The following ISM1 variants were observed in gnomAD, a reference collection of about 807,000 sequenced individuals.
ISM1 encodes the protein isthmin 1.
A neutral mutation model predicts 46.3 loss-of-function variants in ISM1; 25 were observed. That is an observed-to-expected ratio of 0.54 (90% CI 0.39 to 0.75). The LOEUF is 0.75. Ranked by LOEUF, ISM1 falls within the 30% of genes least tolerant of loss-of-function variation. The pLI, the probability that ISM1 is intolerant of heterozygous loss-of-function variation, is 0.00. For missense variants in ISM1, 536 were observed against 625.4 expected, an observed-to-expected ratio of 0.86 and a Z score of 1.52; for synonymous variants, 255 against 256.7, an observed-to-expected ratio of 0.99 and a Z score of 0.06.
chr20:13,301,859 T>A (rs74953939), downstream of ISM1, among the ~76,000 whole-genome samples: 706 of 152,304 alleles, frequency 4.6e-3, 4 homozygotes, highest in African/African-American at 0.016. Flanking sequence ...AACCCTCTGA[T>A]GTGTTTGTTA....
intron 1 of ISM1, among the ~76,000 whole-genome samples, chr20:13,253,640 C>T (rs1385384971): frequency 6.6e-6 from 1 of 152,102 alleles, no homozygotes; most frequent in Non-Finnish European, 1.5e-5. Context: ...AGCTCTGATT[C>T]CACAGGGGAT....
At chr20:13,290,891 C>G (rs936017509) in intron 4 of ISM1, among the ~76,000 whole-genome samples, 1 of 152,182 alleles carries the variant, frequency 6.6e-6, no homozygotes, top group Non-Finnish European at 1.5e-5. Flanking sequence ...TAGAGTCACA[C>G]AGAAAGCAAG....
intron 4 of ISM1, among the ~76,000 whole-genome samples, chr20:13,290,102 G>A (rs1036832625): frequency 6.6e-5 from 10 of 152,166 alleles, no homozygotes; most frequent in South Asian, 2.1e-4. Flanking sequence ...AAGAAGTGGC[G>A]GTTCTGGCTC....
the ISM1 span, among the ~76,000 whole-genome samples, chr20:13,323,432 G>C: frequency 6.6e-6 from 1 of 152,182 alleles, no homozygotes; most frequent in Non-Finnish European, 1.5e-5. Flanking sequence ...CCATAACCCA[G>C]TGTGTTACCA....
At chr20:13,262,518 G>A in intron 1 of ISM1, among the ~76,000 whole-genome samples, 1 of 94,786 alleles carries the variant, frequency 1.1e-5, no homozygotes, top group East Asian at 6.2e-4. Context: ...CTTCTTACAT[G>A]TTTTCTTACA....
At chr20:13,231,079 A>G (rs6041966) in intron 1 of ISM1, among the ~76,000 whole-genome samples, 22,908 of 152,052 alleles carry the variant, frequency 0.15, 2,010 homozygotes, top group East Asian at 0.41. Context: ...CAAATAAATT[A>G]CTTGTTCTTT....
At chr20:13,268,306 CTCTTT>C (rs1364277209) in intron 1 of ISM1, among the ~76,000 whole-genome samples, 2 of 150,334 alleles carry the variant, frequency 1.3e-5, no homozygotes, top group African/African-American at 2.5e-5. Flanking sequence ...TCCTTCTCTT[CTCTTT>C]TCTCTTCTCT....
intron 2 of ISM1, among the ~76,000 whole-genome samples, chr20:13,277,315 CTGATT>C (rs2040190291): frequency 6.6e-6 from 1 of 152,196 alleles, no homozygotes; most frequent in South Asian, 2.1e-4. Context: ...TACCCAGAGA[CTGATT>C]TCATTACCAT....
At chr20:13,252,679 C>T (rs1446660747) in intron 1 of ISM1, among the ~76,000 whole-genome samples, 1 of 152,108 alleles carries the variant, frequency 6.6e-6, no homozygotes, top group African/African-American at 2.4e-5. Context: ...CGCTTGAACA[C>T]GGGAGACAGA....
At position 13,223,265 on chromosome 20, in the gene ISM1, A is replaced by G. The variant is rs145225703; in HGVS notation, c.138+1351A>G. Among the ~76,000 whole-genome samples, 3 of 152,252 alleles carry G rather than the reference A, an allele frequency of 2.0e-5. No individual in the cohort carries two copies. The East Asian group carries it at 5.8e-4, about 29-fold the overall frequency. On this transcript the variant is annotated intron_variant, in intron 1 of 5. Transcript: ENST00000262487. ...AAGGCCTTTATATTCATTGTCTTTG[A>G]TAATTCACTTTTTACATCTTTATAC...
chr20:13,320,810 GCTT>G, the ISM1 span, among the ~76,000 whole-genome samples: 1 of 152,156 alleles, frequency 6.6e-6, no homozygotes, highest in East Asian at 1.9e-4. Flanking sequence ...GTGGGAAAGG[GCTT>G]CCCAGAAGTT....
Position 13,273,903 on chromosome 20 carries a change from C to T in ISM1, c.378+3160C>T, listed in dbSNP as rs78606912. ...GGCCAGCATTTTATTGATCTGATGA[C>T]GTTTTGGCCCTGAAGAAAATAAAAT... On this transcript the variant is annotated intron_variant, in intron 2 of 5. Coordinates refer to ENST00000262487, the MANE Select transcript of ISM1 (RefSeq NM_080826.2). Among the ~76,000 whole-genome samples, 682 of 152,222 alleles carry T rather than the reference C, an allele frequency of 4.5e-3. 3 individuals are homozygous for T. Among genetic ancestry groups the T allele is most frequent in the Non-Finnish European group, 6.2e-3 (423 of 68,012 alleles).
At chr20:13,314,969 C>T in the ISM1 span, among the ~76,000 whole-genome samples, 2 of 151,890 alleles carry the variant, frequency 1.3e-5, no homozygotes, top group African/African-American at 2.4e-5. Context: ...TGAAAGTGGA[C>T]TTGGATTAGT....
intron 1 of ISM1, among the ~76,000 whole-genome samples, chr20:13,246,797 G>A (rs571936634): frequency 6.6e-6 from 1 of 152,146 alleles, no homozygotes; most frequent in East Asian, 1.9e-4. Context: ...TCTTTTCAAT[G>A]TAAAACCACC....
chr20:13,290,070 G>A (rs1448492670), intron 4 of ISM1, among the ~76,000 whole-genome samples: 7 of 152,180 alleles, frequency 4.6e-5, no homozygotes, highest in Non-Finnish European at 7.3e-5. Context: ...AAGGGGACAC[G>A]TAGAAAACAG....
At chr20:13,301,510 A>G (rs2040458105), downstream of ISM1, among the ~76,000 whole-genome samples, 1 of 152,162 alleles carries the variant, frequency 6.6e-6, no homozygotes, top group Admixed American at 6.5e-5. Context: ...ACAATGAATT[A>G]TTTACACCTT....
intron 1 of ISM1, among the ~76,000 whole-genome samples, chr20:13,237,159 G>A (rs1015416293): frequency 2.0e-5 from 3 of 152,156 alleles, no homozygotes; most frequent in African/African-American, 7.2e-5. Flanking sequence ...TGAGAATTCT[G>A]GGAGATACAA....
At chr20:13,318,288 C>A in the ISM1 span, among the ~76,000 whole-genome samples, 1 of 152,024 alleles carries the variant, frequency 6.6e-6, no homozygotes, top group African/African-American at 2.4e-5. Context: ...CAACAAGATA[C>A]CATTAGAATG....
chr20:13,274,514 G>A (rs937968090), intron 2 of ISM1, among the ~76,000 whole-genome samples: 13 of 152,144 alleles, frequency 8.5e-5, no homozygotes, highest in Non-Finnish European at 1.3e-4. Flanking sequence ...AGCTGAATGG[G>A]AACTTGATAC....
Sources: gnomAD v4.1 joint callset for allele counts (sites outside exome capture counted in the v4.1 genomes callset) on GRCh38, gnomAD v4.1.1 for gene constraint, MANE v1.5 for transcripts, NCBI Gene and HGNC (gene_info 2026-07-23, HGNC 2026-07-21) for gene names.